The following AGBL1 variants were observed in gnomAD, a reference collection of about 807,000 sequenced individuals.
AGBL1 encodes AGBL carboxypeptidase 1.
AGBL1 carries 130 observed loss-of-function variants against 118.9 expected under a neutral mutation model. The ratio of observed to expected loss-of-function variants is 1.09; its 90% CI spans 0.95 to 1.26. AGBL1 has a LOEUF of 1.26. AGBL1 is among the 50% of genes most tolerant of loss of function. AGBL1 has a pLI of 0.00. For missense variants in AGBL1, 1,584 were observed against 1,298.1 expected, an observed-to-expected ratio of 1.22 and a Z score of -3.38; for synonymous variants, 555 against 478.9, an observed-to-expected ratio of 1.16 and a Z score of -2.08.
intron 19 of AGBL1, among the ~76,000 whole-genome samples, chr15:86,525,568 G>T (rs895411735): frequency 6.6e-6 from 1 of 152,104 alleles, no homozygotes; most frequent in African/African-American, 2.4e-5. Context: ...AGAGAACCCA[G>T]AGATAAAGCC....
chr15:86,569,183 A>G (rs146596690), intron 21 of AGBL1, among the ~76,000 whole-genome samples: 27 of 152,308 alleles, frequency 1.8e-4, no homozygotes, highest in African/African-American at 6.3e-4. Flanking sequence ...TGTTATCCCA[A>G]CAATTTGGGA....
intron 17 of AGBL1, among the ~76,000 whole-genome samples, chr15:86,383,255 A>AC (rs2081137396): frequency 6.8e-6 from 1 of 145,986 alleles, no homozygotes; most frequent in East Asian, 2.1e-4. Context: ...TGTAAAAAAA[A>AC]AAAAAAAAAA....
chr15:86,622,082 A>G (rs1318868304), intron 21 of AGBL1, among the ~76,000 whole-genome samples: 1 of 152,072 alleles, frequency 6.6e-6, no homozygotes, highest in African/African-American at 2.4e-5. Flanking sequence ...AATACTCGCA[A>G]TTTGGGAGGC....
intron 21 of AGBL1, among the ~76,000 whole-genome samples, chr15:86,640,056 A>G (rs1335537969): frequency 6.6e-6 from 1 of 152,172 alleles, no homozygotes; most frequent in Admixed American, 6.5e-5. Context: ...TGCAATGTAA[A>G]TTGTAATACT....
chr15:86,454,995 C>T (rs1313878409), intron 18 of AGBL1, among the ~76,000 whole-genome samples: 1 of 152,156 alleles, frequency 6.6e-6, no homozygotes, highest in Non-Finnish European at 1.5e-5. Flanking sequence ...TACAGGCAGA[C>T]TATTGCCTCC....
chr15:86,234,190 A>T lies in AGBL1; in HGVS notation c.526+9239A>T, dbSNP rs531389526. 3.9e-5 allele frequency among the ~76,000 whole-genome samples: 6 copies of T among 152,218 alleles called. No individual in the cohort carries two copies. The South Asian group carries it at 1.2e-3, about 32-fold the overall frequency. ...TTTGACCATAGTATAAAAGTGCTCA[A>T]GGTGGCTTGGTGGCATGTGTGCAGA... On this transcript the variant is annotated intron_variant, in intron 6 of 22. Transcript: ENST00000614907.
rs1239726893 is a variant in AGBL1 at position 86,368,763 on chromosome 15, G to A, written c.2375-28603G>A. On this transcript the variant is annotated intron_variant, in intron 17 of 22. Transcript: ENST00000614907. ...CTTCCAGAAGAGAATGAAGGGAATG[G>A]TGGAGAAACAGTATTATAAGATGTA... 7.2e-5 allele frequency among the ~76,000 whole-genome samples: 11 copies of A among 152,292 alleles called. No individual in the cohort carries two copies. In the East Asian group the frequency reaches 1.9e-3, roughly 27 times the overall value.
At chr15:86,783,122 T>C (rs542414949) in intron 22 of AGBL1, among the ~76,000 whole-genome samples, 2 of 152,226 alleles carry the variant, frequency 1.3e-5, no homozygotes, top group Non-Finnish European at 2.9e-5. Flanking sequence ...CCAGTTGTTA[T>C]AAGAAGTTAT....
intron 17 of AGBL1, among the ~76,000 whole-genome samples, chr15:86,364,549 T>G (rs181316401): frequency 8.1e-4 from 123 of 152,278 alleles, no homozygotes; most frequent in African/African-American, 2.8e-3. Context: ...GATTGGAATG[T>G]TTTTCTACAC....
intron 1 of AGBL1, among the ~76,000 whole-genome samples, chr15:86,123,265 A>C (rs568457264): frequency 6.6e-6 from 1 of 152,116 alleles, no homozygotes; most frequent in African/African-American, 2.4e-5. Flanking sequence ...TTTGAGACAG[A>C]GTCTTGCTCT....
intron 24 of AGBL1, among the ~76,000 whole-genome samples, chr15:87,001,201 C>T (rs2081433508): frequency 6.7e-6 from 1 of 149,446 alleles, no homozygotes; most frequent in African/African-American, 2.5e-5. Flanking sequence ...TCCTCTTTTC[C>T]TAATTGAATA....
intron 18 of AGBL1, among the ~76,000 whole-genome samples, chr15:86,503,868 T>C (rs1370645402): frequency 1.3e-5 from 2 of 151,598 alleles, no homozygotes; most frequent in Non-Finnish European, 1.5e-5. Flanking sequence ...CTCTACAGAA[T>C]GTGTGCACTT....
At chr15:86,163,528 G>C (rs1434236460) in intron 5 of AGBL1, among the ~76,000 whole-genome samples, 1 of 152,158 alleles carries the variant, frequency 6.6e-6, no homozygotes, top group African/African-American at 2.4e-5. Context: ...AGGAGTTTGA[G>C]ACCAGCCTGG....
At chr15:86,579,092 T>A (rs569227251) in intron 21 of AGBL1, among the ~76,000 whole-genome samples, 1 of 152,170 alleles carries the variant, frequency 6.6e-6, no homozygotes, top group East Asian at 1.9e-4. Context: ...TGAAAAATAT[T>A]TCAGTGGCGT....
intron 17 of AGBL1, among the ~76,000 whole-genome samples, chr15:86,319,652 C>T (rs1333123231): frequency 1.3e-5 from 2 of 149,972 alleles, no homozygotes; most frequent in African/African-American, 2.4e-5. Flanking sequence ...TCTCTGCACT[C>T]ATATGTTACT....
chr15:86,246,820 G>A (rs1174809474), intron 6 of AGBL1, among the ~76,000 whole-genome samples: 1 of 152,152 alleles, frequency 6.6e-6, no homozygotes, highest in East Asian at 1.9e-4. Context: ...AGACATGGCA[G>A]CCTTACAGGT....
intron 22 of AGBL1, among the ~76,000 whole-genome samples, chr15:86,865,626 G>A (rs2079616351): frequency 6.6e-6 from 1 of 152,204 alleles, no homozygotes; most frequent in Admixed American, 6.5e-5. Context: ...TCCCATGTCT[G>A]CAGAGCTAAT....
rs747896473 is a variant in AGBL1, at chr15:86,393,561, G to A, written c.2375-3805G>A. ...ATTTCGAAACAAGCTTTTTATTGGCGTGCCAACACAGCTTGCTTTGGAAAA... is the reference window on the plus strand; with the variant it reads ...ATTTCGAAACAAGCTTTTTATTGGCATGCCAACACAGCTTGCTTTGGAAAA... On this transcript the variant is annotated intron_variant, in intron 17 of 22. Transcript: ENST00000614907. Among the ~76,000 whole-genome samples the A allele has an allele frequency of 5.9e-5, 9 of 152,268 alleles. No individual in the cohort carries two copies. In the South Asian group the frequency reaches 1.0e-3, roughly 18 times the overall value.
intron 21 of AGBL1, among the ~76,000 whole-genome samples, chr15:86,564,887 T>G (rs1017796120): frequency 5.3e-5 from 8 of 152,238 alleles, no homozygotes; most frequent in African/African-American, 1.9e-4. Flanking sequence ...CATTTGATCT[T>G]CAGTCACTGA....
Sources: gnomAD v4.1 joint callset for allele counts (sites outside exome capture counted in the v4.1 genomes callset) on GRCh38, gnomAD v4.1.1 for gene constraint, MANE v1.5 for transcripts, NCBI Gene and HGNC (gene_info 2026-07-23, HGNC 2026-07-21) for gene names.